The following RIMOC1 variants were observed in gnomAD, a reference collection of about 807,000 sequenced individuals.
The protein encoded by RIMOC1 is RAB7A interacting MON1-CCZ1 complex subunit 1, also known as RAB7A-interacting MON1-CCZ1 complex subunit 1.
chr5:41,916,381 A>C, the RIMOC1 span: 32 of 898,832 alleles, frequency 3.6e-5, 1 homozygote, highest in South Asian at 1.4e-3. Context: ...CTACTGGAAA[A>C]ACTACCCATA....
chr5:41,917,400 A>G, the RIMOC1 span: 1 of 1,441,394 alleles, frequency 6.9e-7, no homozygotes, highest in Non-Finnish European at 9.1e-7. Context: ...ATATGAGAAC[A>G]TTACACTGCA....
the RIMOC1 span, among the ~76,000 whole-genome samples, chr5:41,914,072 G>A: frequency 7.9e-5 from 12 of 152,136 alleles, no homozygotes; most frequent in African/African-American, 2.9e-4. Context: ...TAGAACCAAA[G>A]GGAGTGGCAC....
chr5:41,907,694 T>C, the RIMOC1 span: 130 of 1,275,696 alleles, frequency 1.0e-4, no homozygotes, highest in Non-Finnish European at 1.4e-4. Context: ...AATAACACTC[T>C]GAAACTAGGT....
chr5:41,909,754 GGACAT>G, the RIMOC1 span: 1 of 1,437,148 alleles, frequency 7.0e-7, no homozygotes, highest in Non-Finnish European at 9.2e-7. Context: ...AGGCTATTTT[GGACAT>G]GACATATTTT....
At chr5:41,911,155 A>G in the RIMOC1 span, 1 of 1,604,630 alleles carries the variant, frequency 6.2e-7, no homozygotes, top group Non-Finnish European at 8.5e-7. Context: ...AGTGGCTCTT[A>G]AGAAAATCCA....
At chr5:41,914,821 T>C in the RIMOC1 span, among the ~76,000 whole-genome samples, 1 of 152,074 alleles carries the variant, frequency 6.6e-6, no homozygotes, top group Non-Finnish European at 1.5e-5. Context: ...CTGAACACGA[T>C]TAGATTAGAA....
chr5:41,912,268 A>T, the RIMOC1 span: 1 of 773,248 alleles, frequency 1.3e-6, no homozygotes, highest in South Asian at 1.6e-5. Flanking sequence ...CTCTGATTTA[A>T]ATAAATGTCA....
At chr5:41,908,879 T>C in the RIMOC1 span, among the ~76,000 whole-genome samples, 1 of 152,288 alleles carries the variant, frequency 6.6e-6, no homozygotes, top group African/African-American at 2.4e-5. Context: ...TGAAATCATA[T>C]ATGATGATCT....
chr5:41,911,384 G>C, the RIMOC1 span: 1 of 357,252 alleles, frequency 2.8e-6, no homozygotes, highest in Non-Finnish European at 4.9e-6. Context: ...TGTAATCTGC[G>C]AAGTTCTTTT....
At chr5:41,917,547 C>T in the RIMOC1 span, 1 of 1,152,040 alleles carries the variant, frequency 8.7e-7, no homozygotes, top group African/African-American at 1.6e-5. Context: ...GATGTTATGT[C>T]ACTAATAATG....
At chr5:41,904,358 G>T in the RIMOC1 span, 3 of 1,613,184 alleles carry the variant, frequency 1.9e-6, no homozygotes, top group African/African-American at 2.7e-5. Flanking sequence ...CGCACCCGCC[G>T]ATTGTGGCCA....
At chr5:41,909,485 C>T in the RIMOC1 span, among the ~76,000 whole-genome samples, 317 of 152,092 alleles carry the variant, frequency 2.1e-3, no homozygotes, top group African/African-American at 7.3e-3. Flanking sequence ...TAAATTAAAA[C>T]AAAGCTCTAT....
the RIMOC1 span, chr5:41,916,329 T>A: frequency 1.3e-6 from 1 of 786,824 alleles, no homozygotes; most frequent in Non-Finnish European, 1.5e-6. Context: ...TCTGCCAAAT[T>A]AATATACTTT....
the RIMOC1 span, chr5:41,904,367 C>T: frequency 3.7e-6 from 6 of 1,613,244 alleles, no homozygotes; most frequent in Admixed American, 3.3e-5. Flanking sequence ...CGATTGTGGC[C>T]ATGGCGGCCG....
chr5:41,910,242 G>A, the RIMOC1 span, among the ~76,000 whole-genome samples: 1 of 151,590 alleles, frequency 6.6e-6, no homozygotes, highest in African/African-American at 2.4e-5. Context: ...TTATTCTCTC[G>A]AACATTTGCT....
At chr5:41,918,132 A>T in the RIMOC1 span, 3 of 985,752 alleles carry the variant, frequency 3.0e-6, no homozygotes, top group Non-Finnish European at 3.6e-6. Flanking sequence ...CTTTCTGTCT[A>T]CCTCAACTCC....
chr5:41,907,088 G>A, the RIMOC1 span, among the ~76,000 whole-genome samples: 2 of 152,174 alleles, frequency 1.3e-5, no homozygotes, highest in African/African-American at 4.8e-5. Context: ...AGGAGATGGT[G>A]AAGGCGGAGG....
At chr5:41,908,731 A>AT in the RIMOC1 span, among the ~76,000 whole-genome samples, 1 of 151,934 alleles carries the variant, frequency 6.6e-6, no homozygotes, top group Non-Finnish European at 1.5e-5. Context: ...ATGTCATCTC[A>AT]TTTTTTTCAC....
chr5:41,912,105 C>G, the RIMOC1 span: 1 of 1,611,584 alleles, frequency 6.2e-7, no homozygotes, highest in Admixed American at 1.7e-5. Context: ...GCTACAGATG[C>G]TAAATTATCG....
Sources: gnomAD v4.1 joint callset for allele counts (sites outside exome capture counted in the v4.1 genomes callset) on GRCh38, gnomAD v4.1.1 for gene constraint, MANE v1.5 for transcripts, NCBI Gene and HGNC (gene_info 2026-07-23, HGNC 2026-07-21) for gene names.